Variants in FGF12 observed in about 807,000 individuals in gnomAD.
FGF12 encodes the protein fibroblast growth factor 12, also known as fibroblast growth factor 12B.
FGF12 carries 14 observed loss-of-function variants against 23.6 expected under a neutral mutation model. The observed-to-expected ratio is 0.59, with a 90% confidence interval of 0.39 to 0.93. The LOEUF (loss-of-function observed/expected upper bound fraction) is 0.93. FGF12 is among the 40% of genes least tolerant of loss of function. The probability of loss-of-function intolerance (pLI) is 0.00; values close to 1 mark genes in which losing one functional copy is unlikely to be tolerated. For synonymous variants in FGF12, 62 were observed against 77.3 expected, an observed-to-expected ratio of 0.80 and a Z score of 1.04; for missense variants, 175 against 217.8, an observed-to-expected ratio of 0.80 and a Z score of 1.24.
intron 4 of FGF12, among the ~76,000 whole-genome samples, chr3:192,224,313 A>G (rs1482117044): frequency 6.6e-6 from 1 of 152,162 alleles, no homozygotes; most frequent in East Asian, 1.9e-4. Flanking sequence ...CAGTCCTTCG[A>G]AAACAAACGT....
chr3:192,411,728 C>G (rs2108778902), intron 2 of FGF12, among the ~76,000 whole-genome samples: 1 of 152,284 alleles, frequency 6.6e-6, no homozygotes, highest in Admixed American at 6.5e-5. Context: ...GCTCCCTGTC[C>G]TTGCTATTAA....
At chr3:192,253,361 C>T (rs1376513578) in intron 4 of FGF12, among the ~76,000 whole-genome samples, 3 of 151,776 alleles carry the variant, frequency 2.0e-5, no homozygotes, top group Non-Finnish European at 4.4e-5. Flanking sequence ...GAAATCATGA[C>T]TCCTGGCAAG....
intron 2 of FGF12, among the ~76,000 whole-genome samples, chr3:192,492,932 T>C (rs1044332458): frequency 1.1e-4 from 17 of 151,598 alleles, no homozygotes; most frequent in African/African-American, 3.9e-4. Flanking sequence ...AGGCATGTGC[T>C]ATCATGCCTG....
At chr3:192,253,991 G>C (rs927881305) in intron 4 of FGF12, among the ~76,000 whole-genome samples, 6 of 151,950 alleles carry the variant, frequency 3.9e-5, no homozygotes, top group African/African-American at 1.2e-4. Flanking sequence ...GCTAAATGGA[G>C]CTAATTAACA....
chr3:192,386,580 G>A (rs1478271029), intron 2 of FGF12, among the ~76,000 whole-genome samples: 4 of 152,034 alleles, frequency 2.6e-5, no homozygotes, highest in Non-Finnish European at 5.9e-5. Flanking sequence ...GAATCCAGAA[G>A]AATAAATATG....
intron 2 of FGF12, among the ~76,000 whole-genome samples, chr3:192,668,775 G>A (rs1488590912): frequency 6.6e-6 from 1 of 152,058 alleles, no homozygotes; most frequent in Non-Finnish European, 1.5e-5. Context: ...GAATCCTAAA[G>A]CACATGAAAA....
At chr3:192,700,636 A>G (rs1718260889) in intron 2 of FGF12, among the ~76,000 whole-genome samples, 2 of 152,206 alleles carry the variant, frequency 1.3e-5, no homozygotes, top group Non-Finnish European at 2.9e-5. Context: ...ACAATATGAA[A>G]ACCAGAAATA....
rs569881300 is a variant in FGF12, at chr3:192,510,375, A to T, written c.14-149837T>A. 6.6e-5 allele frequency among the ~76,000 whole-genome samples: 10 copies of T among 152,372 alleles called. No individual in the cohort carries two copies. In the East Asian group the frequency reaches 1.9e-3, roughly 29 times the overall value. ...AGGTGGCAAGCAAGGATATGAAAAGATATTCAATATCATATGTCATCAGGG... is the reference window on the plus strand; with the variant it reads ...AGGTGGCAAGCAAGGATATGAAAAGTTATTCAATATCATATGTCATCAGGG... On this transcript the variant is annotated intron_variant, in intron 2 of 5. Coordinates refer to ENST00000445105, the MANE Select transcript of FGF12 (RefSeq NM_004113.6).
chr3:192,313,960 C>A (rs1218866531), intron 4 of FGF12, among the ~76,000 whole-genome samples: 1 of 152,124 alleles, frequency 6.6e-6, no homozygotes, highest in East Asian at 1.9e-4. Flanking sequence ...GAGAAGTAAT[C>A]AGGTCATAAG....
chr3:192,403,865 T>C (rs922786586), intron 2 of FGF12, among the ~76,000 whole-genome samples: 1 of 152,156 alleles, frequency 6.6e-6, no homozygotes, highest in East Asian at 1.9e-4. Flanking sequence ...ATAATAAAAA[T>C]GTTGAATGAG....
intron 2 of FGF12, among the ~76,000 whole-genome samples, chr3:192,696,396 G>A (rs1718125501): frequency 6.6e-6 from 1 of 152,136 alleles, no homozygotes; most frequent in African/African-American, 2.4e-5. Context: ...TTTTCAGTGT[G>A]TTTGCACTTC....
chr3:192,602,532 C>G (rs905565), intron 2 of FGF12, among the ~76,000 whole-genome samples: 34,331 of 151,962 alleles, frequency 0.23, 4,598 homozygotes, highest in East Asian at 0.34. Context: ...GTTGAATTAA[C>G]GCTGATAAGA....
chr3:192,640,060 G>T (rs1715731967), intron 2 of FGF12, among the ~76,000 whole-genome samples: 1 of 152,042 alleles, frequency 6.6e-6, no homozygotes, highest in Admixed American at 6.6e-5. Flanking sequence ...AGGTTACCAG[G>T]GGCACGGGAT....
At chr3:192,438,631 A>T (rs1297668857) in intron 2 of FGF12, among the ~76,000 whole-genome samples, 2 of 152,202 alleles carry the variant, frequency 1.3e-5, no homozygotes, top group Non-Finnish European at 2.9e-5. Context: ...GGGTACCCAG[A>T]CAGGAGACCA....
intron 4 of FGF12, among the ~76,000 whole-genome samples, chr3:192,269,307 T>A (rs1279812140): frequency 1.3e-5 from 2 of 152,144 alleles, no homozygotes; most frequent in Non-Finnish European, 2.9e-5. Flanking sequence ...ATTTCAGCAG[T>A]CTTAACTAAT....
intron 2 of FGF12, among the ~76,000 whole-genome samples, chr3:192,544,122 C>T (rs1489136759): frequency 6.6e-6 from 1 of 152,184 alleles, no homozygotes; most frequent in Non-Finnish European, 1.5e-5. Context: ...TGGCTGAGTT[C>T]TGCCTGGTGT....
At chr3:192,509,475 A>C (rs1382041165) in intron 2 of FGF12, among the ~76,000 whole-genome samples, 1 of 152,250 alleles carries the variant, frequency 6.6e-6, no homozygotes, top group Non-Finnish European at 1.5e-5. Context: ...GGCAATGGAG[A>C]TAACTCTTCC....
At chr3:192,551,447 C>G (rs1711526105) in intron 2 of FGF12, among the ~76,000 whole-genome samples, 1 of 152,208 alleles carries the variant, frequency 6.6e-6, no homozygotes, top group Admixed American at 6.5e-5. Flanking sequence ...TTCTGTGACA[C>G]TCTTAAGAGA....
At chr3:192,577,494 C>G (rs1712960298) in intron 2 of FGF12, among the ~76,000 whole-genome samples, 1 of 152,126 alleles carries the variant, frequency 6.6e-6, no homozygotes, top group Non-Finnish European at 1.5e-5. Flanking sequence ...CCAACTTTAC[C>G]TGGAATGCTA....
Sources: allele counts gnomAD v4.1 joint callset (sites outside exome capture counted in the v4.1 genomes callset), GRCh38; gene constraint gnomAD v4.1.1; transcripts MANE v1.5; gene names NCBI Gene and HGNC (gene_info 2026-07-23, HGNC 2026-07-21).